PCYT1B: variants seen among roughly 807,000 people sequenced by gnomAD.
The protein encoded by PCYT1B is choline-phosphate cytidylyltransferase B.
PCYT1B carries 10 observed loss-of-function variants against 26.4 expected under a neutral mutation model. That is an observed-to-expected ratio of 0.38 (90% CI 0.23 to 0.64). The LOEUF (loss-of-function observed/expected upper bound fraction) is 0.64. PCYT1B is among the 30% of genes least tolerant of loss of function. The pLI, the probability that PCYT1B is intolerant of heterozygous loss-of-function variation, is 0.56. For missense variants in PCYT1B, 161 were observed against 292.7 expected (o/e 0.55, Z 3.28); for synonymous variants, 131 against 108.4 (o/e 1.21, Z -1.29).
intron 1 of PCYT1B, among the ~76,000 whole-genome samples, chrX:24,665,447 C>A (rs373765951): frequency 9.0e-6 from 1 of 110,508 alleles, no homozygotes; most frequent in Non-Finnish European, 1.9e-5. Context: ...CGTGCCACCA[C>A]GCCCAGCTAA....
intron 3 of PCYT1B, among the ~76,000 whole-genome samples, chrX:24,604,899 T>C (rs1207500569): frequency 8.9e-6 from 1 of 111,927 alleles, no homozygotes; most frequent in Non-Finnish European, 1.9e-5. Context: ...GTAATAGCCA[T>C]TAAGGGAATA....
intron 7 of PCYT1B, among the ~76,000 whole-genome samples, chrX:24,564,855 G>A (rs1474063261): frequency 9.0e-6 from 1 of 111,025 alleles, no homozygotes; most frequent in Non-Finnish European, 1.9e-5. Context: ...TATGTGGTCT[G>A]GCTATGTTTT....
chrX:24,601,032 A>G (rs901104705), intron 3 of PCYT1B, among the ~76,000 whole-genome samples: 5 of 111,812 alleles, frequency 4.5e-5, no homozygotes, highest in African/African-American at 1.6e-4. Flanking sequence ...AAACTATAAA[A>G]CTCTACAGAA....
At position 24,654,104 on chromosome X, in the gene PCYT1B, T is replaced by TTTC. The variant is rs1569258477; in HGVS notation, c.63+18465_63+18466insGAA. Among the ~76,000 whole-genome samples, 151 of 78,595 alleles carry TTTC rather than the reference T, an allele frequency of 1.9e-3. 2 individuals carry two copies. Among genetic ancestry groups the TTTC allele is most frequent in the African/African-American group, 7.5e-3 (145 of 19,372 alleles). 68.3% of individuals were successfully genotyped at this position (78,595 alleles called of 115,157 possible). ...GTTTCTTTTCTTTCTTTCTTTCTTT[T>TTTC]TTTTTTTTTTTTTTTTGAGATGGAG... On this transcript the variant is annotated intron_variant, in intron 1 of 7. Transcript: ENST00000379145.
chrX:24,655,557 C>T (rs1043944408), intron 1 of PCYT1B, among the ~76,000 whole-genome samples: 1 of 111,804 alleles, frequency 8.9e-6, no homozygotes, highest in African/African-American at 3.2e-5. Flanking sequence ...CCGAGGTGGG[C>T]GGATCACCTG....
chrX:24,652,330 G>C (rs760557273), upstream of PCYT1B, among the ~76,000 whole-genome samples: 1 of 112,017 alleles, frequency 8.9e-6, no homozygotes, highest in East Asian at 2.8e-4. Flanking sequence ...AGGCCAAGGC[G>C]GGCGGATCAC....
chrX:24,647,264 A>AT lies in PCYT1B; in HGVS notation c.-160_-159insA. The AT allele has an allele frequency of 2.0e-6, 2 of 992,396 alleles. No individual in the cohort carries two copies. The highest frequency in any genetic ancestry group is 2.5e-6 in the Non-Finnish European group (2 of 788,932). 81.8% of individuals were successfully genotyped at this position (992,396 alleles called of 1,213,427 possible). The stretch of plus-strand genomic sequence containing the variant: ...CTTCCCTAGGGGAAGTAAAGAGGTT[A>AT]CCCCCCGCCCCTCTCTCTCTCTCTC... On this transcript the variant is annotated 5_prime_UTR_variant, in exon 1 of 8. Coordinates refer to ENST00000379144, the MANE Select transcript of PCYT1B (RefSeq NM_004845.5).
intron 1 of PCYT1B, among the ~76,000 whole-genome samples, chrX:24,641,146 C>G (rs1043990912): frequency 1.8e-5 from 2 of 111,618 alleles, no homozygotes; most frequent in African/African-American, 6.5e-5. Flanking sequence ...GTTGGCCAGG[C>G]TGGTCTTGAA....
At chrX:24,607,904 G>T in intron 2 of PCYT1B, 43 bp from the exon 3 acceptor site, 2 of 731,763 alleles carry the variant, frequency 2.7e-6, no homozygotes, top group Non-Finnish European at 4.2e-6. Context: ...TGCAGAATGA[G>T]GAATCCCAGT....
chrX:24,579,310 G>C lies in PCYT1B; in HGVS notation c.708+6C>G, dbSNP rs1179640943. On this transcript the variant is annotated splice_donor_region_variant and intron_variant, in intron 6 of 7. Transcript: ENST00000379144. ...GTCTTCAGAGGGTTTGAGGTGGCAT[G>C]CTTACATTTATAAAGCTGACATTCA... 1 of 1,208,835 alleles carries C rather than the reference G, an allele frequency of 8.3e-7. No homozygotes were observed. The highest frequency in any genetic ancestry group is 1.8e-5 in the South Asian group (1 of 56,797).
At chrX:24,620,447 G>A (rs757520018) in intron 1 of PCYT1B, among the ~76,000 whole-genome samples, 48 of 111,691 alleles carry the variant, frequency 4.3e-4, no homozygotes, top group Non-Finnish European at 7.7e-4. Flanking sequence ...CAGGGCTCTG[G>A]AAGCAAACCA....
At chrX:24,576,398 G>A (rs1168101575) in intron 6 of PCYT1B, among the ~76,000 whole-genome samples, 1 of 111,404 alleles carries the variant, frequency 9.0e-6, no homozygotes, top group Non-Finnish European at 1.9e-5. Context: ...CTGCCTCCCG[G>A]GTTCAAGCGA....
At chrX:24,652,943 G>A (rs1389344538) in intron 1 of PCYT1B, among the ~76,000 whole-genome samples, 1 of 110,521 alleles carries the variant, frequency 9.0e-6, no homozygotes, top group Non-Finnish European at 1.9e-5. Flanking sequence ...AAATTAGTTA[G>A]GCGTGGTGGC....
At chrX:24,587,646 T>C (rs1337482948) in intron 4 of PCYT1B, among the ~76,000 whole-genome samples, 3 of 111,958 alleles carry the variant, frequency 2.7e-5, no homozygotes, top group African/African-American at 9.7e-5. Flanking sequence ...ATTCTTTGAA[T>C]TTTTATCATC....
intron 1 of PCYT1B, among the ~76,000 whole-genome samples, chrX:24,671,353 C>CAATT (rs1209858317): frequency 2.7e-5 from 3 of 110,523 alleles, no homozygotes; most frequent in Admixed American, 9.8e-5. Context: ...ATCAATCAAT[C>CAATT]AATCAATCAA....
intron 5 of PCYT1B, among the ~76,000 whole-genome samples, chrX:24,580,463 A>G (rs1348049105): frequency 8.9e-6 from 1 of 111,956 alleles, no homozygotes; most frequent in African/African-American, 3.2e-5. Flanking sequence ...GCCTGTAGGG[A>G]TGGTTAGATG....
At chrX:24,665,872 C>G (rs1927117656) in intron 1 of PCYT1B, among the ~76,000 whole-genome samples, 1 of 110,402 alleles carries the variant, frequency 9.1e-6, no homozygotes, top group Non-Finnish European at 1.9e-5. Flanking sequence ...TTCGAGGCTG[C>G]CCCAGCTCCT....
intron 1 of PCYT1B, among the ~76,000 whole-genome samples, chrX:24,622,185 C>T (rs779415938): frequency 3.6e-4 from 40 of 111,994 alleles, no homozygotes; most frequent in Non-Finnish European, 6.9e-4. Context: ...GAGCCACAGC[C>T]TTGCTGTCCA....
intron 2 of PCYT1B, among the ~76,000 whole-genome samples, chrX:24,612,157 G>A (rs1328736710): frequency 1.8e-5 from 2 of 112,231 alleles, no homozygotes; most frequent in Admixed American, 9.5e-5. Context: ...GCCTCTGGCC[G>A]ACAACTGGTA....
Sources: gnomAD v4.1 joint callset for allele counts (sites outside exome capture counted in the v4.1 genomes callset) on GRCh38, gnomAD v4.1.1 for gene constraint, MANE v1.5 for transcripts, NCBI Gene and HGNC (gene_info 2026-07-23, HGNC 2026-07-21) for gene names.